The following ADAM32 variants were observed in gnomAD, a reference collection of about 807,000 sequenced individuals.
The protein encoded by ADAM32 is ADAM metallopeptidase domain 32.
A neutral mutation model predicts 114.9 loss-of-function variants in ADAM32; 89 were observed. The ratio of observed to expected loss-of-function variants is 0.77; its 90% CI spans 0.65 to 0.92. The LOEUF is 0.92. Among genes scored for constraint, ADAM32 ranks in the 40% least tolerant of loss-of-function variants. The pLI is 0.00. For synonymous variants in ADAM32, 285 were observed against 307.5 expected (o/e 0.93, Z 0.77); for missense variants, 870 against 932.8 (o/e 0.93, Z 0.88).
rs1384448829 is a variant in ADAM32 at position 39,169,709 on chromosome 8, A to C, written c.834-207A>C. ...CTTTGATCTATTAGATATGTTTCAG[A>C]TATCAAGAGTGTTTAATCTAATTAA... On this transcript the variant is annotated intron_variant, in intron 9 of 24. Coordinates refer to ENST00000379907, the MANE Select transcript of ADAM32 (RefSeq NM_145004.7). 2.0e-5 allele frequency: 8 copies of C among 404,372 alleles called. No individual in the cohort carries two copies. The Admixed American group carries it at 3.2e-4, about 16-fold the overall frequency. The allele number at this position is 404,372 out of a possible 1,614,324, so 25.0% of individuals were successfully genotyped here.
At chr8:39,151,810 T>G (rs537582776) in intron 6 of ADAM32, among the ~76,000 whole-genome samples, 41 of 151,126 alleles carry the variant, frequency 2.7e-4, no homozygotes, top group South Asian at 6.3e-4. Flanking sequence ...ACCACAGACA[T>G]GCACCACCAT....
intron 1 of ADAM32, among the ~76,000 whole-genome samples, chr8:39,110,975 G>A (rs764162079): frequency 5.3e-5 from 8 of 152,120 alleles, no homozygotes; most frequent in Non-Finnish European, 8.8e-5. Flanking sequence ...TGGGTATTTC[G>A]TATAAATGGA....
At chr8:39,142,878 TATTTC>T (rs1290153438) in intron 3 of ADAM32, among the ~76,000 whole-genome samples, 1 of 152,220 alleles carries the variant, frequency 6.6e-6, no homozygotes, top group African/African-American at 2.4e-5. Flanking sequence ...ATAGTCCCTA[TATTTC>T]TTGGAGGCTT....
intron 13 of ADAM32, among the ~76,000 whole-genome samples, chr8:39,222,495 A>G (rs1328428665): frequency 3.9e-5 from 6 of 152,062 alleles, no homozygotes. Context: ...CCACAATTCT[A>G]TGTATGAAAG....
At chr8:39,190,495 A>C (rs1332874680) in intron 11 of ADAM32, among the ~76,000 whole-genome samples, 1 of 152,314 alleles carries the variant, frequency 6.6e-6, no homozygotes, top group East Asian at 1.9e-4. Flanking sequence ...GGCTGTATGA[A>C]TTTACATTCC....
chr8:39,135,982 G>C (rs1802778472), intron 2 of ADAM32, among the ~76,000 whole-genome samples: 1 of 152,040 alleles, frequency 6.6e-6, no homozygotes, highest in Admixed American at 6.6e-5. Context: ...AGAGATCCTG[G>C]AATGCTTATC....
At chr8:39,245,222 T>C (rs7001987) in intron 16 of ADAM32, among the ~76,000 whole-genome samples, 8,182 of 152,194 alleles carry the variant, frequency 0.054, 754 homozygotes, top group African/African-American at 0.19. Context: ...CGTAACATCA[T>C]ATGTTCTCAC....
intron 17 of ADAM32, among the ~76,000 whole-genome samples, chr8:39,252,413 G>GAA (rs140292259): frequency 7.1e-6 from 1 of 140,136 alleles, no homozygotes; most frequent in African/African-American, 2.6e-5. Context: ...AACAAAAAAT[G>GAA]AAAAAAAAAA....
chr8:39,116,802 C>T (rs917493581), intron 1 of ADAM32, among the ~76,000 whole-genome samples: 1 of 152,030 alleles, frequency 6.6e-6, no homozygotes, highest in Non-Finnish European at 1.5e-5. Flanking sequence ...AGTGGGCATC[C>T]TTGTCTTGTT....
intron 19 of ADAM32, among the ~76,000 whole-genome samples, chr8:39,262,589 T>G (rs1812104447): frequency 6.6e-6 from 1 of 152,000 alleles, no homozygotes; most frequent in Non-Finnish European, 1.5e-5. Context: ...TTTGATATGT[T>G]CAGATGTTCC....
chr8:39,180,324 T>C (rs1053999072), intron 10 of ADAM32, among the ~76,000 whole-genome samples: 5 of 152,204 alleles, frequency 3.3e-5, no homozygotes, highest in African/African-American at 1.2e-4. Context: ...TGTGCTCGAT[T>C]TCTCGCCGGG....
intron 3 of ADAM32, 80 bp from the exon 4 acceptor site, chr8:39,147,050 G>T (rs1803547775): frequency 5.4e-6 from 3 of 554,880 alleles, no homozygotes; most frequent in Admixed American, 1.0e-4. Flanking sequence ...TCAGATTTTG[G>T]CTGAGAGTGT....
chr8:39,118,690 T>C (rs1840475975), intron 2 of ADAM32, among the ~76,000 whole-genome samples: 1 of 151,956 alleles, frequency 6.6e-6, no homozygotes, highest in Non-Finnish European at 1.5e-5. Context: ...AAAAGAAATA[T>C]AATTAAGCAA....
intron 12 of ADAM32, among the ~76,000 whole-genome samples, chr8:39,213,839 A>G (rs1808384408): frequency 6.6e-6 from 1 of 151,978 alleles, no homozygotes; most frequent in South Asian, 2.1e-4. Flanking sequence ...CACCTGCCCA[A>G]CTACCCTTCC....
chr8:39,242,199 A>G (rs1810606709), intron 16 of ADAM32, among the ~76,000 whole-genome samples: 1 of 152,214 alleles, frequency 6.6e-6, no homozygotes, highest in Non-Finnish European at 1.5e-5. Flanking sequence ...TATCGTTATC[A>G]GCATTTTGGT....
chr8:39,192,179 G>A (rs747886233), intron 11 of ADAM32, among the ~76,000 whole-genome samples: 9 of 152,176 alleles, frequency 5.9e-5, no homozygotes. Context: ...GTGCATAGAG[G>A]TGTTTGTAGT....
chr8:39,257,927 C>T (rs1208723156), intron 19 of ADAM32, among the ~76,000 whole-genome samples: 1 of 152,048 alleles, frequency 6.6e-6, no homozygotes, highest in Non-Finnish European at 1.5e-5. Context: ...ATTGTATTTG[C>T]AGCTGCAATT....
chr8:39,221,833 C>A, intron 13 of ADAM32, 131 bp downstream of exon 13: 1 of 632,592 alleles, frequency 1.6e-6, no homozygotes, highest in Non-Finnish European at 2.5e-6. Context: ...ATAATAAATT[C>A]AGAATCAGAT....
At chr8:39,133,876 G>GT (rs1802614913) in intron 2 of ADAM32, among the ~76,000 whole-genome samples, 1 of 152,226 alleles carries the variant, frequency 6.6e-6, no homozygotes, top group Non-Finnish European at 1.5e-5. Flanking sequence ...CAGACTTACT[G>GT]AAGGCCCATG....
Sources: allele counts gnomAD v4.1 joint callset (sites outside exome capture counted in the v4.1 genomes callset), GRCh38; gene constraint gnomAD v4.1.1; transcripts MANE v1.5; gene names NCBI Gene and HGNC (gene_info 2026-07-23, HGNC 2026-07-21).